The following ORC3 variants were observed in gnomAD, a reference collection of about 807,000 sequenced individuals.
ORC3 encodes homolog of latheo, Drosophila.
ORC3 carries 78 observed loss-of-function variants against 100.7 expected under a neutral mutation model. That is an observed-to-expected ratio of 0.77 (90% confidence interval 0.65 to 0.94). ORC3 has a LOEUF of 0.94. Ranked by LOEUF, ORC3 falls within the 40% of genes least tolerant of loss-of-function variation. The pLI is 0.00. For missense variants in ORC3, 789 were observed against 823.9 expected (o/e 0.96, Z 0.52); for synonymous variants, 295 against 289.3 (o/e 1.02, Z -0.20).
chr6:87,607,223 G>A (rs977643371), intron 5 of ORC3, among the ~76,000 whole-genome samples: 8 of 152,102 alleles, frequency 5.3e-5, no homozygotes, highest in African/African-American at 1.4e-4. Flanking sequence ...GAGGTGAGGA[G>A]TTCGAGACCA....
At chr6:87,632,477 C>A (rs142495222) in intron 11 of ORC3, among the ~76,000 whole-genome samples, 194 of 152,244 alleles carry the variant, frequency 1.3e-3, no homozygotes, top group African/African-American at 3.9e-3. Flanking sequence ...GTCTTTTTCC[C>A]CATTGTTGGA....
Position 87,612,217 on chromosome 6 carries a change from G to T in ORC3, c.842G>T (p.Cys281Phe). ...ATAGAACTGTTCCAATCTTTGTCTTGTAAGGAGCACCTGACTACGGTACTC... is the reference window on the plus strand; with the variant it reads ...ATAGAACTGTTCCAATCTTTGTCTTTTAAGGAGCACCTGACTACGGTACTC... ...LCIELFQSLS[C>F]KEHLTTVLDK... Residue 281 changes from cysteine (C) to phenylalanine (F), a missense_variant, in exon 8 of 20, where the codon TGT becomes TTT. This residue lies in a region of ORC3 where 399 missense variants were observed against 382.0 expected (regional missense o/e 1.04). Transcript: ENST00000392844. The T allele has an allele frequency of 1.2e-6, 2 of 1,611,116 alleles. No individual in the cohort carries two copies. The highest frequency in any genetic ancestry group is 1.7e-6 in the Non-Finnish European group (2 of 1,179,044).
intron 11 of ORC3, among the ~76,000 whole-genome samples, chr6:87,633,525 C>G (rs1399341099): frequency 6.6e-6 from 1 of 152,134 alleles, no homozygotes; most frequent in East Asian, 1.9e-4. Context: ...GGTAATGACC[C>G]GTAGATCGTT....
At chr6:87,614,021 G>T (rs928804957) in intron 8 of ORC3, among the ~76,000 whole-genome samples, 1 of 152,192 alleles carries the variant, frequency 6.6e-6, no homozygotes, top group Non-Finnish European at 1.5e-5. Flanking sequence ...TCTGTGTGGG[G>T]ACTCCAACCC....
intron 11 of ORC3, among the ~76,000 whole-genome samples, chr6:87,627,197 C>T (rs1484152158): frequency 6.7e-6 from 1 of 150,196 alleles, no homozygotes; most frequent in Non-Finnish European, 1.5e-5. Context: ...CAGGGTTTCA[C>T]CATGTTGGCC....
chr6:87,617,183 A>G (rs1378708889), intron 9 of ORC3, among the ~76,000 whole-genome samples: 4 of 152,248 alleles, frequency 2.6e-5, no homozygotes, highest in Non-Finnish European at 5.9e-5. Flanking sequence ...GATATAAAAA[A>G]GGTTTTTAGT....
At chr6:87,614,101 C>T (rs1441737212) in intron 8 of ORC3, among the ~76,000 whole-genome samples, 2 of 152,214 alleles carry the variant, frequency 1.3e-5, no homozygotes, top group Non-Finnish European at 2.9e-5. Flanking sequence ...CAAACTTCTG[C>T]CTGGACACCC....
chr6:87,603,471 A>G lies in ORC3; in HGVS notation c.265A>G (p.Arg89Gly). Residue 89 changes from arginine to glycine, a missense_variant, in exon 4 of 20, where the codon AGA (arginine) becomes GGA (glycine). Around this residue, in one of 3 missense-constraint regions of ORC3, gnomAD observed 399 missense variants for 382.0 expected, o/e 1.04. Coordinates refer to ENST00000392844, the MANE Select transcript of ORC3 (RefSeq NM_012381.4). The stretch of plus-strand genomic sequence containing the variant: ...ACATTCTGGATTCCAGAAGAATTCA[A>G]GAGACTTGGGCGGTCAAATAAAACT... ...KSHSGFQKNS[R>G]DLGGQIKLRE... is the part of the protein sequence containing the mutation. 7 of 1,539,460 alleles carry G rather than the reference A, an allele frequency of 4.5e-6. No individual in the cohort carries two copies. The highest frequency in any genetic ancestry group is 6.2e-6 in the Non-Finnish European group (7 of 1,127,732).
rs780379780 is a variant in ORC3 at position 87,634,862 on chromosome 6, A to G, written c.1203A>G (p.Leu401=). 3 of 1,547,196 alleles carry G rather than the reference A, an allele frequency of 1.9e-6. No homozygotes were observed. The highest frequency in any genetic ancestry group is 1.1e-5 in the South Asian group (1 of 89,654). Reference sequence around the variant, plus strand: ...ATTTTTAGGAGGAAACACAATTATTACTAGAAAACCTGCATGTTTATCATA... The same window carrying G: ...ATTTTTAGGAGGAAACACAATTATTGCTAGAAAACCTGCATGTTTATCATA... ...ERYLKEETQL[L]LENLHVYHMN... Residue 401 remains leucine (L), a synonymous_variant, in exon 12 of 20, where the codon TTA becomes TTG. Coordinates refer to ENST00000392844, the MANE Select transcript of ORC3 (RefSeq NM_012381.4).
chr6:87,603,978 A>G (rs1204552244), intron 4 of ORC3, among the ~76,000 whole-genome samples: 1 of 152,200 alleles, frequency 6.6e-6, no homozygotes, highest in Non-Finnish European at 1.5e-5. Flanking sequence ...TTGTTTCATT[A>G]TATTCATATT....
At chr6:87,639,528 C>G (rs931754520) in intron 13 of ORC3, among the ~76,000 whole-genome samples, 2 of 152,182 alleles carry the variant, frequency 1.3e-5, no homozygotes, top group African/African-American at 4.8e-5. Flanking sequence ...AGCCTGCAGC[C>G]TTCTGCAGCC....
Position 87,612,148 on chromosome 6 carries a change from T to C in ORC3, c.773T>C (p.Ile258Thr), listed in dbSNP as rs1348511901. Residue 258 changes from isoleucine to threonine, a missense_variant, in exon 8 of 20, where the codon ATC becomes ACC. Physicochemically the swap from Ile to Thr is moderately conservative, Grantham distance 89. This residue lies in a region of ORC3 where 399 missense variants were observed against 382.0 expected (regional missense o/e 1.04). Transcript: ENST00000392844. Reference sequence around the variant, plus strand: ...TTTGGAATAGCCACATCTCCTATTATCATCCACCGATTGCTTCCTCATGCA... The same window carrying C: ...TTTGGAATAGCCACATCTCCTATTACCATCCACCGATTGCTTCCTCATGCA... Reference protein sequence around the residue: ...LIFGIATSPIIIHRLLPHAVS... With the variant: ...LIFGIATSPITIHRLLPHAVS... 3 of 1,613,748 alleles carry C rather than the reference T, an allele frequency of 1.9e-6. No individual in the cohort carries two copies. The highest frequency in any genetic ancestry group is 4.5e-5 in the East Asian group (2 of 44,792).
intron 11 of ORC3, among the ~76,000 whole-genome samples, chr6:87,627,114 C>CA (rs1779962732): frequency 6.6e-6 from 1 of 151,874 alleles, no homozygotes; most frequent in South Asian, 2.1e-4. Flanking sequence ...TCTCCTGCCT[C>CA]AGCCTCCCAA....
In ORC3 at chr6:87,590,205, C is replaced by T. The variant is rs781742133; in HGVS notation, c.24+13C>T. ...CTCGATGTCTAAGGTATGTGGTGGC[C>T]GATGCGCACTGTGGCTCTACCGCTG... On this transcript the variant is annotated intron_variant, in intron 1 of 19. Coordinates refer to ENST00000392844, the MANE Select transcript of ORC3 (RefSeq NM_012381.4). 6.2e-7 allele frequency: 1 copy of T among 1,613,238 alleles called. No homozygotes were observed. The highest frequency in any genetic ancestry group is 8.5e-7 in the Non-Finnish European group (1 of 1,179,162).
At chr6:87,614,208 T>G (rs1175992208) in intron 8 of ORC3, among the ~76,000 whole-genome samples, 2 of 152,212 alleles carry the variant, frequency 1.3e-5, no homozygotes, top group Non-Finnish European at 2.9e-5. Flanking sequence ...CTGCCAGGGC[T>G]TGGGGCTTGC....
chr6:87,664,817 C>A lies in ORC3; in HGVS notation c.1908C>A (p.His636Gln). ...APDICIAYKLHLECSRLINLV... is the reference protein window; with the variant it reads ...APDICIAYKLQLECSRLINLV... The stretch of plus-strand genomic sequence containing the variant: ...ACATCTGCATAGCATACAAACTGCA[C>A]CTAGAGTGTAGCAGGCTCATCAACC... The change falls in exon 18 of 20, where the codon CAC becomes CAA. Residue 636 changes from histidine to glutamine, a missense_variant. By Grantham distance (24) the His-to-Gln change is conservative. Around this residue, in one of 3 missense-constraint regions of ORC3, gnomAD observed 366 missense variants for 394.2 expected, o/e 0.93. Coordinates refer to ENST00000392844, the MANE Select transcript of ORC3 (RefSeq NM_012381.4). 6.2e-7 allele frequency: 1 copy of A among 1,613,958 alleles called. No homozygotes were observed. Among genetic ancestry groups the A allele is most frequent in the African/African-American group, 1.3e-5 (1 of 75,026 alleles).
At chr6:87,660,636 G>A (rs1005780494) in intron 16 of ORC3, among the ~76,000 whole-genome samples, 2 of 152,234 alleles carry the variant, frequency 1.3e-5, no homozygotes, top group Admixed American at 6.5e-5. Context: ...CTTGAGAGAT[G>A]AGAATAAATT....
chr6:87,621,387 T>G lies in ORC3; in HGVS notation c.1021T>G (p.Leu341Val). The G allele has an allele frequency of 6.3e-7, 1 of 1,584,290 alleles. No homozygotes were observed. The highest frequency in any genetic ancestry group is 8.5e-7 in the Non-Finnish European group (1 of 1,169,640). The change falls in exon 10 of 20, where the codon TTA (leucine) becomes GTA (valine). Residue 341 changes from leucine (L) to valine (V), a missense_variant. By Grantham distance (32) the Leu-to-Val change is conservative. This residue lies in a region of ORC3 where 24 missense variants were observed against 47.7 expected (regional missense o/e 0.50). Transcript: ENST00000392844. ...ATTAGAGCATTTCTATTCCCAGCCC[T>G]TAAGTGTCCTGTGCTGTAATCTTCC... ...SLLEHFYSQP[L>V]SVLCCNLPEA...
chr6:87,665,738 C>G lies in ORC3; in HGVS notation c.1951-16C>G. ...TGTAGACATTTTTATTTTCTTCTGTCTTGTCTATTCAAAAGGCTTTTGCAA... is the reference window on the plus strand; with the variant it reads ...TGTAGACATTTTTATTTTCTTCTGTGTTGTCTATTCAAAAGGCTTTTGCAA... On this transcript the variant is annotated splice_polypyrimidine_tract_variant and intron_variant, in intron 18 of 19. Coordinates refer to ENST00000392844, the MANE Select transcript of ORC3 (RefSeq NM_012381.4). 1 of 1,559,206 alleles carries G rather than the reference C, an allele frequency of 6.4e-7. No homozygotes were observed. Among genetic ancestry groups the G allele is most frequent in the Non-Finnish European group, 8.8e-7 (1 of 1,131,646 alleles).
Sources: gnomAD v4.1 joint callset for allele counts (sites outside exome capture counted in the v4.1 genomes callset) on GRCh38, gnomAD v4.1.1 for gene constraint, gnomAD v4.1.1 regional missense constraint, MANE v1.5 for transcripts, NCBI Gene and HGNC (gene_info 2026-07-23, HGNC 2026-07-21) for gene names.